C21orf91: variants seen among roughly 807,000 people sequenced by gnomAD.
C21orf91 encodes the protein chromosome 21 open reading frame 91.
In C21orf91, 26 loss-of-function variants were observed where a neutral mutation model predicts 32.9. That is an observed-to-expected ratio of 0.79 (90% CI 0.58 to 1.10). The LOEUF is 1.10. Among genes scored for constraint, C21orf91 ranks in the 50% least tolerant of loss-of-function variants. The pLI is 0.00. For synonymous variants in C21orf91, 126 were observed against 120.4 expected, an observed-to-expected ratio of 1.05 and a Z score of -0.31; for missense variants, 310 against 341.3, an observed-to-expected ratio of 0.91 and a Z score of 0.72.
chr21:17,799,410 T>C (rs1000002166), intron 2 of C21orf91, among the ~76,000 whole-genome samples: 1 of 152,080 alleles, frequency 6.6e-6, no homozygotes, highest in Non-Finnish European at 1.5e-5. Flanking sequence ...CCAAAACTGA[T>C]CCCCTTACTG....
intron 2 of C21orf91, among the ~76,000 whole-genome samples, chr21:17,798,131 C>T (rs896062328): frequency 1.3e-4 from 20 of 151,876 alleles, no homozygotes; most frequent in Non-Finnish European, 7.4e-5. Flanking sequence ...ATGGAGTAAG[C>T]GGAGAGCCAC....
intron 2 of C21orf91, chr21:17,817,737 A>G (rs1369664237): frequency 1.3e-5 from 2 of 152,326 alleles, no homozygotes; most frequent in African/African-American, 4.8e-5. Flanking sequence ...GGTTAATCTA[A>G]AAATTTTAAA....
chr21:17,795,793 T>C (rs1394700142), intron 3 of C21orf91, among the ~76,000 whole-genome samples: 2 of 152,074 alleles, frequency 1.3e-5, no homozygotes, highest in African/African-American at 2.4e-5. Flanking sequence ...TTTTTATCAC[T>C]CCCAGTACAT....
At chr21:17,814,555 T>C (rs946240840) in intron 2 of C21orf91, among the ~76,000 whole-genome samples, 2 of 152,126 alleles carry the variant, frequency 1.3e-5, no homozygotes, top group African/African-American at 4.8e-5. Context: ...CATGGTAGCA[T>C]CAGCCTCTGC....
chr21:17,795,268 T>A lies in C21orf91; in HGVS notation c.667A>T (p.Asn223Tyr), dbSNP rs752082043. The part of the protein sequence containing the change: ...QHPHYSREEL[N>Y]SMTLGEVEQL... The stretch of plus-strand genomic sequence containing the variant: ...TCTACCTCACCAAGAGTCATCGAAT[T>A]CACTGAAACATGAAAATGTATTCAC... The change falls in exon 4 of 5, where the codon AAT (asparagine) becomes TAT (tyrosine). Residue 223 changes from asparagine to tyrosine, a missense_variant and splice_region_variant. Coordinates refer to ENST00000284881, the MANE Select transcript of C21orf91 (RefSeq NM_001100420.2). The A allele has an allele frequency of 6.2e-7, 1 of 1,602,468 alleles. No individual in the cohort carries two copies. The highest frequency in any genetic ancestry group is 8.5e-7 in the Non-Finnish European group (1 of 1,169,744).
At chr21:17,795,078 G>T in intron 4 of C21orf91, 130 bp downstream of exon 4, 6 of 691,270 alleles carry the variant, frequency 8.7e-6, no homozygotes, top group African/African-American at 1.8e-5. Context: ...TTTTTGCTCT[G>T]GAAACTCTAA....
rs2062462280 is a variant in C21orf91 at position 17,790,165 on chromosome 21, G to A, written c.*3250C>T. The A allele has an allele frequency of 6.6e-6, 1 of 151,904 alleles. No individual in the cohort carries two copies. The highest frequency in any genetic ancestry group is 1.5e-5 in the Non-Finnish European group (1 of 67,914). The allele number at this position is 151,904 out of a possible 1,614,324, so 9.4% of individuals were successfully genotyped here. Reference sequence around the variant, plus strand: ...GTCACTAACCTGAACCTCCTAATAAGCTACACAAATAATTTACTCTTTAAA... The same window carrying A: ...GTCACTAACCTGAACCTCCTAATAAACTACACAAATAATTTACTCTTTAAA... On this transcript the variant is annotated 3_prime_UTR_variant, in exon 5 of 5. Coordinates refer to ENST00000284881, the MANE Select transcript of C21orf91 (RefSeq NM_001100420.2).
chr21:17,816,386 G>C (rs912240824), intron 2 of C21orf91, among the ~76,000 whole-genome samples: 1 of 152,154 alleles, frequency 6.6e-6, no homozygotes, highest in Non-Finnish European at 1.5e-5. Context: ...GGAAAAATTC[G>C]ATCATGGCAT....
In C21orf91 at chr21:17,818,235, TTC is replaced by T. The variant is rs2062678121; in HGVS notation, c.82_83del (p.Glu28AsnfsTer10). The T allele has an allele frequency of 6.2e-7, 1 of 1,610,896 alleles. No homozygotes were observed. The highest frequency in any genetic ancestry group is 1.3e-5 in the African/African-American group (1 of 74,848). ...AACAAATGTGGCAGAAGGAGAGTGT[TTC>T]TTTGTCTGTTCCCAGTTTACAAACA... is the stretch of plus-strand genomic sequence containing the variant. ...CSVCKLGTDK[E>X]TLSFCHICFE... On this transcript the variant is annotated frameshift_variant, in exon 2 of 5. Transcript: ENST00000284881. LOFTEE classifies it high-confidence loss of function.
chr21:17,799,783 T>C (rs1012321088), intron 2 of C21orf91, among the ~76,000 whole-genome samples: 2 of 152,208 alleles, frequency 1.3e-5, no homozygotes, highest in Admixed American at 6.5e-5. Context: ...CTTACTCATA[T>C]ATTCTCAGTG....
At position 17,801,274 on chromosome 21, in the gene C21orf91, G is replaced by GTTCTTTTTTTTT. The variant is rs1278315799; in HGVS notation, c.128-4157_128-4156insAAAAAAAAAGAA. ...AGGAACAGAAAACCAAACACCGTAT[G>GTTCTTTTTTTTT]TTTTTTTTTTTTTTTAGACGGAGTC... On this transcript the variant is annotated intron_variant, in intron 2 of 4. Coordinates refer to ENST00000284881, the MANE Select transcript of C21orf91 (RefSeq NM_001100420.2). 2.8e-5 allele frequency among the ~76,000 whole-genome samples: 4 copies of GTTCTTTTTTTTT among 140,440 alleles called. No homozygotes were observed. The East Asian group carries it at 8.3e-4, about 29-fold the overall frequency. The allele number at this position is 140,440 out of a possible 152,430, so 92.1% of individuals were successfully genotyped here.
chr21:17,814,632 A>G (rs1487544792), intron 2 of C21orf91, among the ~76,000 whole-genome samples: 1 of 152,148 alleles, frequency 6.6e-6, no homozygotes, highest in East Asian at 1.9e-4. Flanking sequence ...AACTGACTAG[A>G]GTAGGAGGAA....
chr21:17,799,766 T>C (rs1250074112), intron 2 of C21orf91, among the ~76,000 whole-genome samples: 1 of 152,182 alleles, frequency 6.6e-6, no homozygotes, highest in Non-Finnish European at 1.5e-5. Flanking sequence ...ATATGGACCA[T>C]GTCTATCTTA....
chr21:17,794,372 T>A (rs2062502064), intron 4 of C21orf91, among the ~76,000 whole-genome samples: 1 of 152,238 alleles, frequency 6.6e-6, no homozygotes, highest in Non-Finnish European at 1.5e-5. Flanking sequence ...TAAGGAATTA[T>A]TAACTTTAAA....
At chr21:17,818,129 A>C (rs1018917261) in intron 2 of C21orf91, 63 bp downstream of exon 2, 2 of 1,234,344 alleles carry the variant, frequency 1.6e-6, no homozygotes, top group African/African-American at 3.0e-5. Context: ...TTTACCTTAC[A>C]ATCAGTACAA....
intron 2 of C21orf91, among the ~76,000 whole-genome samples, chr21:17,812,180 A>G (rs974733749): frequency 6.6e-6 from 1 of 152,160 alleles, no homozygotes; most frequent in Non-Finnish European, 1.5e-5. Flanking sequence ...AAAATATTCT[A>G]TTATTTAAAC....
chr21:17,806,668 C>T lies in C21orf91; in HGVS notation c.128-9550G>A, dbSNP rs147016275. Reference sequence around the variant, plus strand: ...CAGCCTGGCCAACATGGTGAAATCTCATCTCTACTAAAAATACAAAAATTA... The same window carrying T: ...CAGCCTGGCCAACATGGTGAAATCTTATCTCTACTAAAAATACAAAAATTA... On this transcript the variant is annotated intron_variant, in intron 2 of 4. Coordinates refer to ENST00000284881, the MANE Select transcript of C21orf91 (RefSeq NM_001100420.2). Among the ~76,000 whole-genome samples, 406 of 152,252 alleles carry T rather than the reference C, an allele frequency of 2.7e-3. 4 individuals carry two copies. The highest frequency in any genetic ancestry group is 9.3e-3 in the African/African-American group (386 of 41,568).
chr21:17,798,609 A>G lies in C21orf91; in HGVS notation c.128-1491T>C, dbSNP rs181152726. ...TTATCACTTTGCTCCTTGTACTGCA[A>G]TTGTGAGCACGTATACATTTCTACC... On this transcript the variant is annotated intron_variant, in intron 2 of 4. Coordinates refer to ENST00000284881, the MANE Select transcript of C21orf91 (RefSeq NM_001100420.2). Among the ~76,000 whole-genome samples, 17 of 152,330 alleles carry G rather than the reference A, an allele frequency of 1.1e-4. 1 individual carries two copies. The East Asian group carries it at 2.7e-3, about 24-fold the overall frequency.
intron 2 of C21orf91, among the ~76,000 whole-genome samples, chr21:17,801,656 A>G (rs550916196): frequency 2.9e-4 from 43 of 150,322 alleles, no homozygotes; most frequent in South Asian, 8.6e-4. Context: ...GCCTGTCAGG[A>G]AGTAGGGGGC....
Sources: allele counts gnomAD v4.1 joint callset (sites outside exome capture counted in the v4.1 genomes callset), GRCh38; gene constraint gnomAD v4.1.1; transcripts MANE v1.5; gene names NCBI Gene and HGNC (gene_info 2026-07-23, HGNC 2026-07-21).